ADAM18: variants seen among roughly 807,000 people sequenced by gnomAD.
ADAM18 encodes the protein ADAM metallopeptidase domain 18.
Under a neutral mutation model 94.4 loss-of-function variants are expected in ADAM18, and 117 were observed. The observed-to-expected ratio is 1.24, with a 90% confidence interval of 1.07 to 1.45. The LOEUF (loss-of-function observed/expected upper bound fraction) is 1.45, where lower values mean the gene tolerates loss of function less well. Among genes scored for constraint, ADAM18 ranks in the 40% most tolerant of loss-of-function variants. ADAM18 has a pLI of 0.00. For missense variants in ADAM18, 936 were observed against 880.0 expected (o/e 1.06, Z -0.81); for synonymous variants, 327 against 291.6 (o/e 1.12, Z -1.24).
chr8:39,708,660 A>G (rs754343993), intron 18 of ADAM18, among the ~76,000 whole-genome samples: 10 of 152,240 alleles, frequency 6.6e-5, no homozygotes, highest in Non-Finnish European at 1.3e-4. Context: ...CACAACCTGC[A>G]GTTCTCAACT....
intron 17 of ADAM18, among the ~76,000 whole-genome samples, chr8:39,704,698 A>G (rs1223790064): frequency 6.6e-6 from 1 of 152,086 alleles, no homozygotes; most frequent in Non-Finnish European, 1.5e-5. Context: ...TTCTCCTTGC[A>G]CATGCAGTTA....
At chr8:39,718,314 T>G (rs905151751) in intron 18 of ADAM18, among the ~76,000 whole-genome samples, 8 of 151,528 alleles carry the variant, frequency 5.3e-5, no homozygotes, top group African/African-American at 1.9e-4. Context: ...ACTACCTAAA[T>G]GTTCATCAAT....
At chr8:39,649,857 A>G (rs1459073450) in intron 12 of ADAM18, among the ~76,000 whole-genome samples, 1 of 152,102 alleles carries the variant, frequency 6.6e-6, no homozygotes, top group African/African-American at 2.4e-5. Context: ...TTTCTATATC[A>G]TAGTTCTTTA....
At chr8:39,644,463 T>C (rs1052081078) in intron 10 of ADAM18, among the ~76,000 whole-genome samples, 5 of 152,146 alleles carry the variant, frequency 3.3e-5, no homozygotes, top group African/African-American at 1.2e-4. Flanking sequence ...TTTTTAATTT[T>C]TTTTTGTAGA....
chr8:39,639,732 C>G (rs1370576949), intron 10 of ADAM18, among the ~76,000 whole-genome samples: 1 of 151,940 alleles, frequency 6.6e-6, no homozygotes, highest in Non-Finnish European at 1.5e-5. Context: ...TATTGATTTG[C>G]ACAACTATTT....
At chr8:39,606,452 C>A in intron 3 of ADAM18, 90 bp downstream of exon 3, 1 of 773,036 alleles carries the variant, frequency 1.3e-6, no homozygotes, top group Non-Finnish European at 2.1e-6. Flanking sequence ...TATTTAAATT[C>A]AGGAATGCTG....
At chr8:39,676,761 C>T (rs1293995384) in intron 14 of ADAM18, among the ~76,000 whole-genome samples, 2 of 152,192 alleles carry the variant, frequency 1.3e-5, no homozygotes, top group East Asian at 1.9e-4. Context: ...GGAGTTGTTC[C>T]TATTCGGCCA....
intron 6 of ADAM18, among the ~76,000 whole-genome samples, chr8:39,620,517 A>G (rs1819584056): frequency 6.8e-6 from 1 of 148,144 alleles, no homozygotes; most frequent in Non-Finnish European, 1.5e-5. Flanking sequence ...ATACTTTCTC[A>G]AAAGAACACA....
chr8:39,586,802 A>C lies in ADAM18; in HGVS notation c.132+1450A>C, dbSNP rs140883236. Among the ~76,000 whole-genome samples the C allele has an allele frequency of 7.7e-3, 1,009 of 130,982 alleles. 3 individuals carry two copies. The highest frequency in any genetic ancestry group is 0.023 in the Middle Eastern group (6 of 258). 85.9% of individuals were successfully genotyped at this position (130,982 alleles called of 152,430 possible). ...TATCTATCTATCTATCTATCTATCT[A>C]TATCTATCTATCTATCATCTATTCT... On this transcript the variant is annotated intron_variant, in intron 2 of 19. Coordinates refer to ENST00000265707, the MANE Select transcript of ADAM18 (RefSeq NM_014237.3).
At chr8:39,649,100 A>G (rs1820458356) in intron 12 of ADAM18, among the ~76,000 whole-genome samples, 1 of 152,108 alleles carries the variant, frequency 6.6e-6, no homozygotes, top group Non-Finnish European at 1.5e-5. Context: ...TCTATTTTAA[A>G]TGTTATTATC....
chr8:39,704,339 C>T (rs1393502259), intron 17 of ADAM18, among the ~76,000 whole-genome samples: 3 of 152,012 alleles, frequency 2.0e-5, no homozygotes, highest in Admixed American at 6.6e-5. Flanking sequence ...TTCAGAAGCA[C>T]ATCAAAAAAG....
intron 3 of ADAM18, among the ~76,000 whole-genome samples, chr8:39,608,486 G>A (rs1585892823): frequency 6.6e-6 from 1 of 151,710 alleles, no homozygotes; most frequent in Non-Finnish European, 1.5e-5. Flanking sequence ...TTTGTACAAA[G>A]CATATTTCTG....
intron 2 of ADAM18, among the ~76,000 whole-genome samples, chr8:39,588,157 T>C (rs886947948): frequency 1.3e-5 from 2 of 152,170 alleles, no homozygotes; most frequent in Non-Finnish European, 2.9e-5. Flanking sequence ...CCACCAATAG[T>C]GTACAAAGAT....
At chr8:39,723,516 C>T (rs1330925211) in intron 18 of ADAM18, among the ~76,000 whole-genome samples, 1 of 151,526 alleles carries the variant, frequency 6.6e-6, no homozygotes, top group Non-Finnish European at 1.5e-5. Context: ...ATGCAGCAAA[C>T]AGCACTCTAA....
intron 18 of ADAM18, among the ~76,000 whole-genome samples, chr8:39,720,597 TG>T (rs1160706674): frequency 6.6e-6 from 1 of 151,568 alleles, no homozygotes; most frequent in East Asian, 1.9e-4. Context: ...TTATATTAAA[TG>T]AAAAAACTAA....
chr8:39,663,787 A>C lies in ADAM18; in HGVS notation c.1231-8A>C. The C allele has an allele frequency of 6.3e-7, 1 of 1,594,290 alleles. No homozygotes were observed. The highest frequency in any genetic ancestry group is 8.6e-7 in the Non-Finnish European group (1 of 1,166,712). ...ACTGTAATAATATTTCTTCCTGTAAAATTTTAGGAATGTCAATTTAAGAAG... is the reference window on the plus strand; with the variant it reads ...ACTGTAATAATATTTCTTCCTGTAACATTTTAGGAATGTCAATTTAAGAAG... On this transcript the variant is annotated splice_polypyrimidine_tract_variant and splice_region_variant and intron_variant, in intron 12 of 19. Coordinates refer to ENST00000265707, the MANE Select transcript of ADAM18 (RefSeq NM_014237.3).
intron 5 of ADAM18, among the ~76,000 whole-genome samples, chr8:39,610,032 A>G (rs892280794): frequency 2.4e-4 from 36 of 152,092 alleles, no homozygotes; most frequent in African/African-American, 7.2e-4. Context: ...TCAGGAAAAA[A>G]AGGATCCGGA....
chr8:39,648,149 G>A (rs1277548053), intron 11 of ADAM18, among the ~76,000 whole-genome samples, 195 bp from the exon 12 acceptor site: 6 of 152,062 alleles, frequency 3.9e-5, no homozygotes, highest in Non-Finnish European at 8.8e-5. Context: ...TGAGAAAATA[G>A]GTTTTTAATG....
chr8:39,635,028 AAGAACT>A (rs1219726717), intron 7 of ADAM18, among the ~76,000 whole-genome samples: 1 of 152,154 alleles, frequency 6.6e-6, no homozygotes, highest in Non-Finnish European at 1.5e-5. Context: ...ATTAGTGCAC[AAGAACT>A]TCTTCCCTTA....
Sources: allele counts gnomAD v4.1 joint callset (sites outside exome capture counted in the v4.1 genomes callset), GRCh38; gene constraint gnomAD v4.1.1; transcripts MANE v1.5; gene names NCBI Gene and HGNC (gene_info 2026-07-23, HGNC 2026-07-21).